The following PDE10A variants were observed in gnomAD, a reference collection of about 807,000 sequenced individuals.
PDE10A encodes the protein cAMP and cAMP-inhibited cGMP 3',5'-cyclic phosphodiesterase 10A.
A neutral mutation model predicts 97.7 loss-of-function variants in PDE10A; 39 were observed. That is an observed-to-expected ratio of 0.40 (90% confidence interval 0.31 to 0.52). PDE10A has a LOEUF of 0.52. Ranked by LOEUF, PDE10A falls within the 20% of genes least tolerant of loss-of-function variation. The probability of loss-of-function intolerance (pLI) is 0.56; values close to 1 mark genes in which losing one functional copy is unlikely to be tolerated. For missense variants in PDE10A, 731 were observed against 1,047.8 expected (o/e 0.70, Z 4.17); for synonymous variants, 371 against 376.8 (o/e 0.98, Z 0.18).
intron 1 of PDE10A, among the ~76,000 whole-genome samples, chr6:165,770,332 G>A (rs1174928178): frequency 6.6e-6 from 1 of 151,790 alleles, no homozygotes; most frequent in Admixed American, 6.6e-5. Context: ...AAAGAAAGAA[G>A]GAGAAAGAAA....
intron 1 of PDE10A, chr6:165,545,197 T>A (rs1463930279): frequency 2.0e-6 from 1 of 504,684 alleles, no homozygotes; most frequent in South Asian, 1.5e-5. Context: ...CCTAACTTTC[T>A]AACTGCTCTT....
intron 18 of PDE10A, among the ~76,000 whole-genome samples, chr6:165,367,205 T>G (rs1423788505): frequency 6.7e-6 from 1 of 150,186 alleles, no homozygotes; most frequent in Non-Finnish European, 1.5e-5. Context: ...TCCCAGAACT[T>G]GAAAATATTA....
intron 21 of PDE10A, among the ~76,000 whole-genome samples, 196 bp downstream of exon 21, chr6:165,335,927 T>C (rs1202661129): frequency 2.0e-5 from 3 of 152,080 alleles, no homozygotes; most frequent in Non-Finnish European, 4.4e-5. Context: ...AGGCTCGTCT[T>C]TGAGGAGAAT....
At position 165,642,972 on chromosome 6, in the gene PDE10A, G is replaced by A. The variant is rs111477063; in HGVS notation, c.865+18975C>T. Reference sequence around the variant, plus strand: ...TGTCAAAACCTGGAGCTGAGGAATAGTTCACTCAGTCCATGGACCCTGTCC... The same window carrying A: ...TGTCAAAACCTGGAGCTGAGGAATAATTCACTCAGTCCATGGACCCTGTCC... On this transcript the variant is annotated intron_variant, in intron 1 of 21. Coordinates refer to ENST00000539869, the MANE Select transcript of PDE10A (RefSeq NM_001385079.1). Among the ~76,000 whole-genome samples the A allele has an allele frequency of 3.2e-3, 493 of 152,220 alleles. 1 individual carries two copies. Among genetic ancestry groups the A allele is most frequent in the African/African-American group, 0.011 (457 of 41,518 alleles).
intron 13 of PDE10A, among the ~76,000 whole-genome samples, chr6:165,399,438 T>C (rs1367741784): frequency 6.6e-6 from 1 of 152,158 alleles, no homozygotes; most frequent in African/African-American, 2.4e-5. Context: ...ATTATAAAGG[T>C]TTTTTTATTA....
chr6:165,986,853 G>T (rs909455301), intron 1 of PDE10A, among the ~76,000 whole-genome samples: 2 of 152,052 alleles, frequency 1.3e-5, no homozygotes, highest in African/African-American at 4.8e-5. Flanking sequence ...AGGAAAATTG[G>T]GTGGCATGAA....
At chr6:165,612,811 A>C (rs1169298694) in intron 1 of PDE10A, among the ~76,000 whole-genome samples, 2 of 152,224 alleles carry the variant, frequency 1.3e-5, no homozygotes, top group Non-Finnish European at 2.9e-5. Flanking sequence ...TCGTCTCACC[A>C]CATATCTTTC....
intron 1 of PDE10A, among the ~76,000 whole-genome samples, chr6:165,861,813 G>C (rs961950141): frequency 6.6e-6 from 1 of 152,190 alleles, no homozygotes; most frequent in African/African-American, 2.4e-5. Flanking sequence ...ACAGGAGCAA[G>C]AGCCTCCTCT....
At chr6:165,933,681 C>A (rs894285686) in intron 1 of PDE10A, among the ~76,000 whole-genome samples, 23 of 152,192 alleles carry the variant, frequency 1.5e-4, no homozygotes, top group African/African-American at 5.5e-4. Context: ...TGGGTTTTTA[C>A]AGCCCAAGTT....
chr6:165,590,969 C>A (rs1467716502), intron 1 of PDE10A, among the ~76,000 whole-genome samples: 3 of 152,128 alleles, frequency 2.0e-5, no homozygotes, highest in Admixed American at 6.5e-5. Context: ...TGTAATTTCC[C>A]CTCAGCTAAC....
In PDE10A at chr6:165,671,919, C is replaced by T. The variant is rs184251943; in HGVS notation, c.-614-128351G>A. Reference sequence around the variant, plus strand: ...CACATTAAATATCTCTATTTTATAGCGAAGTTATTAATATATGCCATGAAA... The same window carrying T: ...CACATTAAATATCTCTATTTTATAGTGAAGTTATTAATATATGCCATGAAA... On this transcript the variant is annotated intron_variant, in intron 1 of 19. Transcript: ENST00000366882. This position sits in a 1 kb window ranked among gnomAD's most constrained non-coding sequence, Gnocchi z 4.6. Among the ~76,000 whole-genome samples, 14 of 152,234 alleles carry T rather than the reference C, an allele frequency of 9.2e-5. No homozygotes were observed. Among genetic ancestry groups the T allele is most frequent in the Non-Finnish European group, 1.8e-4 (12 of 68,014 alleles).
At chr6:165,513,093 G>C (rs1194817769) in intron 2 of PDE10A, among the ~76,000 whole-genome samples, 2 of 151,872 alleles carry the variant, frequency 1.3e-5, no homozygotes, top group African/African-American at 4.8e-5. Flanking sequence ...AAATTTTTTG[G>C]ACTGTGCTTT....
intron 18 of PDE10A, among the ~76,000 whole-genome samples, chr6:165,374,059 A>C (rs1436268974): frequency 1.6e-5 from 2 of 124,344 alleles, no homozygotes; most frequent in Non-Finnish European, 3.2e-5. Context: ...GAAGGGAAAC[A>C]TCACACTCTG....
At position 165,620,156 on chromosome 6, in the gene PDE10A, T is replaced by G. The variant is rs575814095; in HGVS notation, c.865+41791A>C. ...TGTCCTTTAGCTAATAAAGAAAAACTTGACAAGCCACTCCACTTCCGGGCC... is the reference window on the plus strand; with the variant it reads ...TGTCCTTTAGCTAATAAAGAAAAACGTGACAAGCCACTCCACTTCCGGGCC... On this transcript the variant is annotated intron_variant, in intron 1 of 21. Coordinates refer to ENST00000539869, the MANE Select transcript of PDE10A (RefSeq NM_001385079.1). Among the ~76,000 whole-genome samples the G allele has an allele frequency of 2.7e-3, 408 of 152,246 alleles. 2 individuals are homozygous for G. The highest frequency in any genetic ancestry group is 9.5e-3 in the African/African-American group (393 of 41,532).
chr6:165,928,570 A>G (rs1333382709), intron 1 of PDE10A, among the ~76,000 whole-genome samples: 1 of 152,180 alleles, frequency 6.6e-6, no homozygotes, highest in Non-Finnish European at 1.5e-5. Context: ...CTTGTTCTCA[A>G]AAGACCATGG....
intron 1 of PDE10A, among the ~76,000 whole-genome samples, chr6:165,907,034 C>T (rs532445494): frequency 2.0e-5 from 3 of 152,210 alleles, no homozygotes; most frequent in Non-Finnish European, 2.9e-5. Context: ...CCTTTCTTTA[C>T]GGGCCAGGCA....
intron 1 of PDE10A, among the ~76,000 whole-genome samples, chr6:165,920,074 G>A (rs1368551948): frequency 6.6e-6 from 1 of 152,180 alleles, no homozygotes; most frequent in Non-Finnish European, 1.5e-5. Context: ...AAAGAAAGTT[G>A]TATTTAAATG....
rs1239691992 is a variant in PDE10A at position 165,327,353 on chromosome 6, CTAAATA to C, written c.*5666_*5671del. The C allele has an allele frequency of 4.6e-5, 7 of 152,114 alleles. No homozygotes were observed. The highest frequency in any genetic ancestry group is 2.6e-4 in the Admixed American group (4 of 15,262). The allele number at this position is 152,114 out of a possible 1,614,324, so 9.4% of individuals were successfully genotyped here. On this transcript the variant is annotated 3_prime_UTR_variant, in exon 22 of 22. Coordinates refer to ENST00000539869, the MANE Select transcript of PDE10A (RefSeq NM_001385079.1). Reference sequence around the variant, plus strand: ...ATATCCATTAAAATTATGAACATTTCTAAATATATTTCATGTATCATACATATATAT... The same window carrying C: ...ATATCCATTAAAATTATGAACATTTCTATTTCATGTATCATACATATATAT...
In PDE10A at chr6:165,372,139, C is replaced by G. The variant is rs1406679200; in HGVS notation, c.2783+7055G>C. 7.4e-5 allele frequency among the ~76,000 whole-genome samples: 11 copies of G among 148,078 alleles called. No individual in the cohort carries two copies. In the South Asian group the frequency reaches 2.4e-3, roughly 32 times the overall value. ...CAATATCATACTGAATGGGCAAAAA[C>G]TGGAAGCATTCCCTTTGAAAACTGG... On this transcript the variant is annotated intron_variant, in intron 18 of 21. Coordinates refer to ENST00000539869, the MANE Select transcript of PDE10A (RefSeq NM_001385079.1).
Sources: gnomAD v4.1 joint callset for allele counts (sites outside exome capture counted in the v4.1 genomes callset) on GRCh38, gnomAD v4.1.1 for gene constraint, Gnocchi (gnomAD v3.1) non-coding constraint, MANE v1.5 for transcripts, NCBI Gene and HGNC (gene_info 2026-07-23, HGNC 2026-07-21) for gene names.